P3H2: variants seen among roughly 807,000 people sequenced by gnomAD.
P3H2 encodes the protein leprecan-like 1.
In P3H2, 80 loss-of-function variants were observed where a neutral mutation model predicts 87.0. The observed-to-expected ratio is 0.92, with a 90% CI of 0.77 to 1.11. The LOEUF is 1.11. Among genes scored for constraint, P3H2 ranks in the 50% least tolerant of loss-of-function variants. The pLI is 0.00. For synonymous variants in P3H2, 367 were observed against 359.3 expected, an observed-to-expected ratio of 1.02 and a Z score of -0.24; for missense variants, 1,001 against 923.9, an observed-to-expected ratio of 1.08 and a Z score of -1.08.
intron 1 of P3H2, among the ~76,000 whole-genome samples, chr3:190,064,721 T>C (rs1726443087): frequency 6.6e-6 from 1 of 152,146 alleles, no homozygotes; most frequent in Non-Finnish European, 1.5e-5. Flanking sequence ...TGTCTATATT[T>C]GAAAAATATA....
At chr3:190,003,091 T>C (rs1724266163) in intron 1 of P3H2, among the ~76,000 whole-genome samples, 1 of 152,244 alleles carries the variant, frequency 6.6e-6, no homozygotes, top group Non-Finnish European at 1.5e-5. Context: ...TAAATGGAAA[T>C]GACGTTTCTG....
intron 1 of P3H2, among the ~76,000 whole-genome samples, chr3:190,084,811 C>G (rs962513439): frequency 7.9e-5 from 12 of 152,120 alleles, no homozygotes; most frequent in Non-Finnish European, 1.5e-4. Context: ...TAGCCACAGT[C>G]TCTACAACCT....
Position 190,120,603 on chromosome 3 carries a change from G to T in P3H2, c.129C>A (p.Pro43=). 6.5e-7 allele frequency: 1 copy of T among 1,546,000 alleles called. No individual in the cohort carries two copies. The highest frequency in any genetic ancestry group is 8.7e-7 in the Non-Finnish European group (1 of 1,155,764). ...ELELEPGPLQ[P]FDLLYASGAA... ...CGCCGCTGGCGTAGAGCAGGTCGAA[G>T]GGCTGCAGAGGCCCGGGCTCCAGCT... Residue 43 remains proline (P), a synonymous_variant, in exon 1 of 15, where the codon CCC becomes CCA. Coordinates refer to ENST00000319332, the MANE Select transcript of P3H2 (RefSeq NM_018192.4).
chr3:190,029,150 T>C (rs1725177662), intron 1 of P3H2, among the ~76,000 whole-genome samples: 1 of 152,230 alleles, frequency 6.6e-6, no homozygotes, highest in Admixed American at 6.5e-5. Flanking sequence ...TGGTTAGTAT[T>C]TATTAAGTGT....
In P3H2 at chr3:189,957,700, A is replaced by AAGAGAG. The variant is rs3062112; in HGVS notation, c.*206_*211dup. The AAGAGAG allele has an allele frequency of 0.034, 18,083 of 535,116 alleles. No individual in the cohort carries two copies. The highest frequency in any genetic ancestry group is 0.044 in the Middle Eastern group (85 of 1,944). 33.1% of individuals were successfully genotyped at this position (535,116 alleles called of 1,614,324 possible). On this transcript the variant is annotated 3_prime_UTR_variant, in exon 15 of 15. Coordinates refer to ENST00000319332, the MANE Select transcript of P3H2 (RefSeq NM_018192.4). ...AACATGGTTAGACCATGTCTCTAAG[A>AAGAGAG]AGAGAGAGAGAGAGAGAGAGAGAGA...
At chr3:190,023,819 A>G (rs1725005933) in intron 1 of P3H2, among the ~76,000 whole-genome samples, 1 of 152,218 alleles carries the variant, frequency 6.6e-6, no homozygotes, top group African/African-American at 2.4e-5. Context: ...ATATTTGTGT[A>G]TTTTGTTCAA....
At chr3:190,082,388 T>TA (rs1431200401) in intron 1 of P3H2, among the ~76,000 whole-genome samples, 4 of 152,050 alleles carry the variant, frequency 2.6e-5, no homozygotes, top group Admixed American at 6.6e-5. Context: ...TCCTCATCTA[T>TA]AAAAAAAGAC....
intron 1 of P3H2, among the ~76,000 whole-genome samples, chr3:190,057,548 C>T (rs13073495): frequency 0.29 from 44,323 of 151,944 alleles, 6,632 homozygotes; most frequent in Middle Eastern, 0.36. Context: ...CACTCCTCCA[C>T]CTGAAGCAAG....
At position 189,957,565 on chromosome 3, in the gene P3H2, C is replaced by A; in HGVS notation, c.*347G>T. The A allele has an allele frequency of 2.5e-6, 1 of 393,372 alleles. No homozygotes were observed. Among genetic ancestry groups the A allele is most frequent in the Non-Finnish European group, 4.6e-6 (1 of 219,324 alleles). 24.4% of individuals were successfully genotyped at this position (393,372 alleles called of 1,614,324 possible). On this transcript the variant is annotated 3_prime_UTR_variant, in exon 15 of 15. Transcript: ENST00000319332. ...GAGAGCTGGGTGTGGTGGCACGTGCCTGTGGTCCCAGCTCCCCGGGAGGCT... is the reference window on the plus strand; with the variant it reads ...GAGAGCTGGGTGTGGTGGCACGTGCATGTGGTCCCAGCTCCCCGGGAGGCT...
At chr3:190,101,462 GCTGATATGGAGAAAGCTTTAGTGGT>G (rs1198194638) in intron 1 of P3H2, among the ~76,000 whole-genome samples, 1 of 149,330 alleles carries the variant, frequency 6.7e-6, no homozygotes, top group East Asian at 2.0e-4. Context: ...CAGCCTTACT[GCTGATATGGAGAAAGCTTTAGTGGT>G]CTGGATAGAA....
chr3:189,957,114 ACC>A lies in P3H2; in HGVS notation c.*796_*797del. ...CGAAAACACCAGAGCCAAAAATTCC[ACC>A]AAGGCCCTGGAAAGACTGAAGTCCC... On this transcript the variant is annotated 3_prime_UTR_variant, in exon 15 of 15. Coordinates refer to ENST00000319332, the MANE Select transcript of P3H2 (RefSeq NM_018192.4). 1 of 398,566 alleles carries A rather than the reference ACC, an allele frequency of 2.5e-6. No homozygotes were observed. The highest frequency in any genetic ancestry group is 1.3e-4 in the South Asian group (1 of 7,854). 24.7% of individuals were successfully genotyped at this position (398,566 alleles called of 1,614,324 possible). A position where few individuals can be genotyped will look rare whatever the true frequency, so the allele number is the denominator to read the frequency against.
Position 189,957,823 on chromosome 3 carries a change from A to G in P3H2, c.*89T>C, listed in dbSNP as rs1327297529. 2.8e-5 allele frequency: 25 copies of G among 888,072 alleles called. No homozygotes were observed. In the Admixed American group the frequency reaches 4.3e-4, roughly 15 times the overall value. 55.0% of individuals were successfully genotyped at this position (888,072 alleles called of 1,614,324 possible). ...TCTGATGACTGACATTAACCTGTTA[A>G]TTTATACCATGGCTCTGTACAAAAA... is the stretch of plus-strand genomic sequence containing the variant. On this transcript the variant is annotated 3_prime_UTR_variant, in exon 15 of 15. Transcript: ENST00000319332.
rs1030874409 is a variant in P3H2 at position 190,120,793 on chromosome 3, C to T, written c.-62G>A. On this transcript the variant is annotated 5_prime_UTR_variant, in exon 1 of 15. Coordinates refer to ENST00000319332, the MANE Select transcript of P3H2 (RefSeq NM_018192.4). Reference sequence around the variant, plus strand: ...AGAGGGCTTCGGGGCACCTCGCGTCCGGGTCCCCTCTCCCACCTTCCCTCG... The same window carrying T: ...AGAGGGCTTCGGGGCACCTCGCGTCTGGGTCCCCTCTCCCACCTTCCCTCG... The T allele has an allele frequency of 1.1e-5, 17 of 1,496,294 alleles. No homozygotes were observed. The highest frequency in any genetic ancestry group is 1.4e-5 in the African/African-American group (1 of 69,186). 92.7% of individuals were successfully genotyped at this position (1,496,294 alleles called of 1,614,324 possible).
At chr3:190,104,333 AG>A (rs1711748666) in intron 1 of P3H2, among the ~76,000 whole-genome samples, 1 of 152,150 alleles carries the variant, frequency 6.6e-6, no homozygotes, top group African/African-American at 2.4e-5. Flanking sequence ...AGCTGGTCCG[AG>A]ACAGCATGGA....
intron 1 of P3H2, among the ~76,000 whole-genome samples, chr3:190,008,450 T>C (rs1724463987): frequency 6.6e-6 from 1 of 152,176 alleles, no homozygotes; most frequent in South Asian, 2.1e-4. Context: ...TGTGTTTAAA[T>C]GAAGAGACTG....
chr3:190,087,573 A>G (rs1727265511), intron 1 of P3H2, among the ~76,000 whole-genome samples: 1 of 151,840 alleles, frequency 6.6e-6, no homozygotes, highest in Non-Finnish European at 1.5e-5. Context: ...ACCATCAAGA[A>G]AAGGCAATGT....
chr3:189,974,560 T>C lies in P3H2; in HGVS notation c.1450A>G (p.Ser484Gly), dbSNP rs1369594494. 1 of 1,613,558 alleles carries C rather than the reference T, an allele frequency of 6.2e-7. No individual in the cohort carries two copies. Among genetic ancestry groups the C allele is most frequent in the African/African-American group, 1.3e-5 (1 of 74,912 alleles). ...CCCCTCCTTCTCCGGATCCTCACAC[T>C]GGCCACGCTGTGGAGCTCCCGGCAC... is the stretch of plus-strand genomic sequence containing the variant. The part of the protein sequence containing the change: ...EQCRELHSVA[S>G]GIMLVGDGYR... Residue 484 changes from serine (S) to glycine (G), a missense_variant and splice_region_variant, in exon 9 of 15, where the codon AGT (serine) becomes GGT (glycine). Transcript: ENST00000319332.
chr3:190,042,924 C>T (rs1725680788), intron 1 of P3H2, among the ~76,000 whole-genome samples: 1 of 152,008 alleles, frequency 6.6e-6, no homozygotes, highest in Admixed American at 6.6e-5. Context: ...TCAATTTTAA[C>T]GCTGAAAATG....
At chr3:190,015,919 G>C (rs1724738390) in intron 1 of P3H2, among the ~76,000 whole-genome samples, 1 of 152,140 alleles carries the variant, frequency 6.6e-6, no homozygotes, top group South Asian at 2.1e-4. Context: ...ATTTGTGCAT[G>C]TGTGCATGTG....
Sources: gnomAD v4.1 joint callset for allele counts (sites outside exome capture counted in the v4.1 genomes callset) on GRCh38, gnomAD v4.1.1 for gene constraint, MANE v1.5 for transcripts, NCBI Gene and HGNC (gene_info 2026-07-23, HGNC 2026-07-21) for gene names.